STPG2: variants seen among roughly 807,000 people sequenced by gnomAD.
STPG2 encodes the protein sperm-tail PG-rich repeat-containing protein 2.
A neutral mutation model predicts 54.2 loss-of-function variants in STPG2; 56 were observed. The ratio of observed to expected loss-of-function variants is 1.03; its 90% CI spans 0.83 to 1.29. STPG2 has a LOEUF of 1.29. STPG2 is among the 50% of genes most tolerant of loss of function. The pLI is 0.00. For synonymous variants in STPG2, 200 were observed against 181.8 expected, an observed-to-expected ratio of 1.10 and a Z score of -0.81; for missense variants, 596 against 544.9, an observed-to-expected ratio of 1.09 and a Z score of -0.93.
rs59647920 is a variant in STPG2 at position 98,114,763 on chromosome 4, T to TGTG, written c.388-5459_388-5458insCAC. ...CCCACAATAATATCCATTTTTTTTT[T>TGTG]TTTGTGTGTGTGTGTGTGTGTGTGT... is the stretch of plus-strand genomic sequence containing the variant. On this transcript the variant is annotated intron_variant, in intron 3 of 10. Transcript: ENST00000295268. Among the ~76,000 whole-genome samples, 242 of 145,190 alleles carry TGTG rather than the reference T, an allele frequency of 1.7e-3. 2 individuals carry two copies. Among genetic ancestry groups the TGTG allele is most frequent in the Middle Eastern group, 0.01 (3 of 288 alleles).
intron 9 of STPG2, among the ~76,000 whole-genome samples, chr4:97,782,414 C>T (rs1229252126): frequency 2.6e-5 from 4 of 152,028 alleles, no homozygotes; most frequent in Non-Finnish European, 5.9e-5. Flanking sequence ...AACCACTGCT[C>T]AACGAAATAA....
intron 10 of STPG2, among the ~76,000 whole-genome samples, chr4:97,649,108 G>GA (rs1721994144): frequency 6.6e-6 from 1 of 152,102 alleles, no homozygotes; most frequent in Non-Finnish European, 1.5e-5. Flanking sequence ...ATAGGAGCAG[G>GA]AAAAACATGC....
intron 6 of STPG2, among the ~76,000 whole-genome samples, chr4:97,972,883 T>C (rs1227480423): frequency 6.6e-6 from 1 of 152,206 alleles, no homozygotes; most frequent in Non-Finnish European, 1.5e-5. Flanking sequence ...TCTGCCATGA[T>C]TGTGAGGCCT....
intron 8 of STPG2, among the ~76,000 whole-genome samples, chr4:97,866,925 C>T (rs1729808610): frequency 6.6e-6 from 1 of 151,788 alleles, no homozygotes; most frequent in South Asian, 2.1e-4. Context: ...AAAACTTGGG[C>T]ATTTGGCTTC....
intron 4 of STPG2, among the ~76,000 whole-genome samples, chr4:97,540,789 T>TA (rs1387430250): frequency 6.6e-6 from 1 of 152,154 alleles, no homozygotes; most frequent in Non-Finnish European, 1.5e-5. Flanking sequence ...GTGGGCTTCA[T>TA]TCCTGGGATG....
At chr4:97,590,638 GACAC>G (rs5860506) in intron 10 of STPG2, among the ~76,000 whole-genome samples, 102 of 138,698 alleles carry the variant, frequency 7.4e-4, no homozygotes, top group Middle Eastern at 3.6e-3. Context: ...CAGACACACA[GACAC>G]ACACACACAC....
intron 10 of STPG2, among the ~76,000 whole-genome samples, chr4:97,678,714 T>C (rs892201317): frequency 4.6e-5 from 7 of 151,908 alleles, no homozygotes; most frequent in Non-Finnish European, 1.0e-4. Context: ...CATGCTGGTG[T>C]GCTGCACCCA....
chr4:97,713,504 A>C (rs929399827), intron 9 of STPG2, among the ~76,000 whole-genome samples: 5 of 152,222 alleles, frequency 3.3e-5, no homozygotes, highest in African/African-American at 1.2e-4. Flanking sequence ...GGTAGCTCTT[A>C]AAAGTTTTAG....
chr4:97,799,278 C>A (rs1385781062), intron 9 of STPG2, among the ~76,000 whole-genome samples: 1 of 152,172 alleles, frequency 6.6e-6, no homozygotes, highest in African/African-American at 2.4e-5. Context: ...TTCCTAGCAT[C>A]GATGGTCTTT....
At chr4:97,482,398 T>G (rs1028696736) in intron 4 of STPG2, among the ~76,000 whole-genome samples, 1 of 151,616 alleles carries the variant, frequency 6.6e-6, no homozygotes, top group Non-Finnish European at 1.5e-5. Context: ...GACACACTTA[T>G]AGAAATGCAA....
At chr4:97,641,772 T>C (rs1369193713) in intron 10 of STPG2, among the ~76,000 whole-genome samples, 1 of 151,480 alleles carries the variant, frequency 6.6e-6, no homozygotes, top group East Asian at 1.9e-4. Flanking sequence ...TTAAACAATA[T>C]TTTATATTGC....
intron 7 of STPG2, among the ~76,000 whole-genome samples, chr4:97,951,424 G>T (rs933436212): frequency 2.0e-5 from 3 of 151,874 alleles, no homozygotes; most frequent in Non-Finnish European, 2.9e-5. Context: ...TTATTTTTCT[G>T]GTTCCTTCTC....
chr4:97,759,321 A>G (rs568267194), intron 9 of STPG2, among the ~76,000 whole-genome samples: 3 of 152,108 alleles, frequency 2.0e-5, no homozygotes, highest in Non-Finnish European at 4.4e-5. Flanking sequence ...AAAAAATAAC[A>G]TTGTCACTTG....
intron 7 of STPG2, among the ~76,000 whole-genome samples, chr4:97,965,111 C>T (rs1043317623): frequency 6.6e-6 from 1 of 152,174 alleles, no homozygotes; most frequent in East Asian, 1.9e-4. Context: ...ACAGACTGTA[C>T]CTGGAAAATT....
intron 9 of STPG2, among the ~76,000 whole-genome samples, chr4:97,784,042 A>T (rs1726743561): frequency 1.3e-5 from 2 of 151,662 alleles, no homozygotes; most frequent in African/African-American, 4.8e-5. Context: ...CGTTGTACAC[A>T]TGTACCCTAG....
intron 10 of STPG2, among the ~76,000 whole-genome samples, chr4:97,605,699 C>G (rs1733574985): frequency 6.6e-6 from 1 of 151,192 alleles, no homozygotes; most frequent in Admixed American, 6.6e-5. Flanking sequence ...ATTATGATTC[C>G]TATACTGTAA....
intron 4 of STPG2, among the ~76,000 whole-genome samples, chr4:97,547,106 C>T (rs964504132): frequency 3.3e-5 from 5 of 150,624 alleles, no homozygotes; most frequent in Non-Finnish European, 7.4e-5. Context: ...AAGTTCAATA[C>T]GTACGAACTA....
At chr4:97,966,628 G>A (rs1734108570) in intron 7 of STPG2, among the ~76,000 whole-genome samples, 1 of 152,138 alleles carries the variant, frequency 6.6e-6, no homozygotes, top group Admixed American at 6.6e-5. Context: ...AGAGAGAAAG[G>A]TCGGGTTACC....
At position 98,025,240 on chromosome 4, in the gene STPG2, G is replaced by A. The variant is rs982461378; in HGVS notation, c.613-43922C>T. ...GGAAAGTATCAAACCTTTTTTACTTGTATAAAGAATAGCTTTGCTTTGTTA... is the reference window on the plus strand; with the variant it reads ...GGAAAGTATCAAACCTTTTTTACTTATATAAAGAATAGCTTTGCTTTGTTA... On this transcript the variant is annotated intron_variant, in intron 5 of 10. Coordinates refer to ENST00000295268, the MANE Select transcript of STPG2 (RefSeq NM_174952.3). The A allele has an allele frequency of 2.9e-5, 5 of 171,440 alleles. No individual in the cohort carries two copies. In the East Asian group the frequency reaches 8.6e-4, roughly 30 times the overall value. The allele number at this position is 171,440 out of a possible 1,614,324, so 10.6% of individuals were successfully genotyped here. A position where few individuals can be genotyped will look rare whatever the true frequency, so the allele number is the denominator to read the frequency against.
Sources: gnomAD v4.1 joint callset for allele counts (sites outside exome capture counted in the v4.1 genomes callset) on GRCh38, gnomAD v4.1.1 for gene constraint, MANE v1.5 for transcripts, NCBI Gene and HGNC (gene_info 2026-07-23, HGNC 2026-07-21) for gene names.